Variants in ABCA13 observed in about 807,000 individuals in gnomAD.
The protein encoded by ABCA13 is ATP-binding cassette sub-family A member 13.
A neutral mutation model predicts 478.7 loss-of-function variants in ABCA13; 476 were observed. The observed-to-expected ratio is 0.99, with a 90% CI of 0.92 to 1.07. The LOEUF (loss-of-function observed/expected upper bound fraction) is 1.07, where lower values mean the gene tolerates loss of function less well. ABCA13 is among the 50% of genes least tolerant of loss of function. The probability of loss-of-function intolerance (pLI) is 0.00; values close to 1 mark genes in which losing one functional copy is unlikely to be tolerated. For synonymous variants in ABCA13, 2,252 were observed against 2,158.9 expected (o/e 1.04, Z -1.20); for missense variants, 6,060 against 5,910.6 (o/e 1.03, Z -0.83).
intron 15 of ABCA13, among the ~76,000 whole-genome samples, chr7:48,259,802 G>C (rs1314607159): frequency 6.6e-6 from 1 of 151,816 alleles, no homozygotes; most frequent in Non-Finnish European, 1.5e-5. Flanking sequence ...GGCAGGTCTT[G>C]TGGTATTGAA....
At chr7:48,243,311 C>G (rs948928413) in intron 10 of ABCA13, among the ~76,000 whole-genome samples, 8 of 152,240 alleles carry the variant, frequency 5.3e-5, no homozygotes, top group African/African-American at 1.7e-4. Flanking sequence ...AAAATAATCT[C>G]TTTCTCACTT....
At position 48,309,946 on chromosome 7, in the gene ABCA13, G is replaced by A. The variant is rs756294463; in HGVS notation, c.9322-1G>A. ...CCTCTAATCTCTGTGCTTTGAAACA[G>A]GTTCTCTTCAGTGCCCTCACCGTAG... On this transcript the variant is annotated splice_acceptor_variant, in intron 23 of 61. Transcript: ENST00000435803. LOFTEE classifies it high-confidence loss of function. The A allele has an allele frequency of 2.5e-6, 4 of 1,613,724 alleles. No homozygotes were observed. The highest frequency in any genetic ancestry group is 2.7e-5 in the African/African-American group (2 of 74,908).
intron 55 of ABCA13, among the ~76,000 whole-genome samples, chr7:48,551,265 A>ACT (rs113167611): frequency 0.14 from 21,272 of 151,754 alleles, 2,063 homozygotes; most frequent in African/African-American, 0.23. Flanking sequence ...GGGCTTACTG[A>ACT]CTGTTCACTA....
chr7:48,634,990 G>T (rs1180520840), intron 59 of ABCA13, among the ~76,000 whole-genome samples: 2 of 151,936 alleles, frequency 1.3e-5, no homozygotes, highest in Non-Finnish European at 2.9e-5. Flanking sequence ...TAAAATTTAG[G>T]CTGTGTTAAA....
chr7:48,595,261 G>C (rs767806415), intron 58 of ABCA13, among the ~76,000 whole-genome samples: 17 of 152,266 alleles, frequency 1.1e-4, no homozygotes, highest in Admixed American at 3.3e-4. Flanking sequence ...AATTAAGTTT[G>C]TAATTAGATT....
At chr7:48,184,296 G>A (rs958682921) in intron 1 of ABCA13, among the ~76,000 whole-genome samples, 5 of 152,052 alleles carry the variant, frequency 3.3e-5, no homozygotes, top group African/African-American at 1.2e-4. Context: ...TGATTTGTAG[G>A]CATTTGTAGG....
rs189452604 is a variant in ABCA13 at position 48,616,483 on chromosome 7, T to C, written c.14837+1106T>C. Among the ~76,000 whole-genome samples, 3 of 152,336 alleles carry C rather than the reference T, an allele frequency of 2.0e-5. No individual in the cohort carries two copies. The East Asian group carries it at 5.8e-4, about 29-fold the overall frequency. ...CCATTCTTGATTGTTGGGTGATTTA[T>C]GTCTGATTTATGTTTACAAAAGTTT... On this transcript the variant is annotated intron_variant, in intron 59 of 61. Transcript: ENST00000435803.
rs1829632300 is a variant in ABCA13, at chr7:48,489,312, A to G, written c.13259A>G (p.His4420Arg). 2 of 1,612,068 alleles carry G rather than the reference A, an allele frequency of 1.2e-6. No individual in the cohort carries two copies. The highest frequency in any genetic ancestry group is 8.5e-7 in the Non-Finnish European group (1 of 1,178,650). Reference sequence around the variant, plus strand: ...CTAAACAACCTTATTTTGTGGCAGCACCTACCCCCTACTGTGGACTGGAGA... The same window carrying G: ...CTAAACAACCTTATTTTGTGGCAGCGCCTACCCCCTACTGTGGACTGGAGA... ...NHLNNLILWQ[H>R]LPPTVDWRQY... Residue 4420 changes from histidine (H) to arginine (R), a missense_variant, in exon 48 of 62, where the codon CAC becomes CGC. Physicochemically the swap from His to Arg is conservative, Grantham distance 29 (BLOSUM62 0). Around this residue, in one of 3 missense-constraint regions of ABCA13, gnomAD observed 1,627 missense variants for 1,571.0 expected, o/e 1.04. Coordinates refer to ENST00000435803, the MANE Select transcript of ABCA13 (RefSeq NM_152701.5).
intron 14 of ABCA13, 63 bp downstream of exon 14, chr7:48,248,507 C>A: frequency 7.8e-7 from 1 of 1,289,174 alleles, no homozygotes; most frequent in East Asian, 2.4e-5. Flanking sequence ...TTCAACTGCC[C>A]CTTCTACACA....
intron 4 of ABCA13, 43 bp downstream of exon 4, chr7:48,219,548 T>C (rs758836729): frequency 6.4e-7 from 1 of 1,573,330 alleles, no homozygotes; most frequent in Non-Finnish European, 8.6e-7. Flanking sequence ...TACCTGGACA[T>C]AGCTTAAGGA....
chr7:48,221,280 G>T lies in ABCA13; in HGVS notation c.440-1G>T. On this transcript the variant is annotated splice_acceptor_variant, in intron 4 of 61. Coordinates refer to ENST00000435803, the MANE Select transcript of ABCA13 (RefSeq NM_152701.5). LOFTEE classifies it high-confidence loss of function. ...TATCTCTTAAACCTTCTTTATTATA[G>T]ATTCTTCTTATGGTTCCAGTTTTTT... The T allele has an allele frequency of 8.6e-7, 1 of 1,156,770 alleles. No homozygotes were observed. Among genetic ancestry groups the T allele is most frequent in the Non-Finnish European group, 1.2e-6 (1 of 808,938 alleles). The allele number at this position is 1,156,770 out of a possible 1,614,324, so 71.7% of individuals were successfully genotyped here.
rs1829644470 is a variant in ABCA13, at chr7:48,489,397, T to A, written c.13291+53T>A. ...TCACTACTTTCAAAAGACAATGTTT[T>A]TAAAAGTGAAAGAAACAGAAAAGTT... is the stretch of plus-strand genomic sequence containing the variant. On this transcript the variant is annotated intron_variant, in intron 48 of 61. Coordinates refer to ENST00000435803, the MANE Select transcript of ABCA13 (RefSeq NM_152701.5). The A allele has an allele frequency of 2.8e-6, 4 of 1,433,220 alleles. No homozygotes were observed. The Admixed American group carries it at 8.8e-5, about 31-fold the overall frequency. The allele number at this position is 1,433,220 out of a possible 1,614,324, so 88.8% of individuals were successfully genotyped here.
chr7:48,366,335 C>T (rs970603927), intron 31 of ABCA13, among the ~76,000 whole-genome samples: 2 of 151,888 alleles, frequency 1.3e-5, no homozygotes, highest in East Asian at 1.9e-4. Context: ...ATTTTTTTCC[C>T]GCTGTCAGCT....
At chr7:48,224,009 T>C (rs1054004698) in intron 5 of ABCA13, among the ~76,000 whole-genome samples, 2 of 145,296 alleles carry the variant, frequency 1.4e-5, no homozygotes, top group African/African-American at 5.1e-5. Context: ...GGCAGGTAAG[T>C]GGAGACAGAG....
intron 44 of ABCA13, among the ~76,000 whole-genome samples, chr7:48,468,084 C>T (rs1437136781): frequency 6.6e-6 from 1 of 152,046 alleles, no homozygotes; most frequent in Admixed American, 6.6e-5. Context: ...TGGGGTCCAG[C>T]CCTGGTCCAA....
rs371671347 is a variant in ABCA13 at position 48,275,163 on chromosome 7, C to T, written c.5497C>T (p.Arg1833Trp). 324 of 1,613,868 alleles carry T rather than the reference C, an allele frequency of 2.0e-4. 2 individuals are homozygous for T. In the South Asian group the frequency reaches 2.5e-3, roughly 13 times the overall value. ...WCWNHTNSGFRQNSKIDPCNV... is the reference protein window; with the variant it reads ...WCWNHTNSGFWQNSKIDPCNV... ...CTGGAATCACACAAATTCTGGATTTCGGCAGAATTCAAAGATAGACCCCTG... is the reference window on the plus strand; with the variant it reads ...CTGGAATCACACAAATTCTGGATTTTGGCAGAATTCAAAGATAGACCCCTG... Residue 1833 changes from arginine (R) to tryptophan (W), a missense_variant, in exon 17 of 62, where the codon CGG becomes TGG. Arg to Trp is a moderately radical substitution (Grantham distance 101). Coordinates refer to ENST00000435803, the MANE Select transcript of ABCA13 (RefSeq NM_152701.5).
chr7:48,329,168 A>G (rs1804801179), intron 27 of ABCA13, among the ~76,000 whole-genome samples: 1 of 152,156 alleles, frequency 6.6e-6, no homozygotes, highest in Admixed American at 6.6e-5. Context: ...AAAACAGAAT[A>G]CCAACATAAT....
In ABCA13 at chr7:48,248,422, A is replaced by G; in HGVS notation, c.1843A>G (p.Lys615Glu). 6.2e-7 allele frequency: 1 copy of G among 1,608,788 alleles called. No homozygotes were observed. ...GAATGATGTCTTTTCTAGTGACTGT[A>G]AGCACCAGCTTGTCTCCACAGTGTA... ...PENDVFSSDC[K>E]HQLVSTVIFH... Residue 615 changes from lysine to glutamate, a missense_variant, in exon 14 of 62, where the codon AAG becomes GAG. Coordinates refer to ENST00000435803, the MANE Select transcript of ABCA13 (RefSeq NM_152701.5).
At chr7:48,359,650 G>C (rs549474076) in intron 31 of ABCA13, among the ~76,000 whole-genome samples, 25 of 152,118 alleles carry the variant, frequency 1.6e-4, no homozygotes, top group Middle Eastern at 3.4e-3. Context: ...AAGCAGGGAA[G>C]GGCAGAGGCC....
Sources: gnomAD v4.1 joint callset for allele counts (sites outside exome capture counted in the v4.1 genomes callset) on GRCh38, gnomAD v4.1.1 for gene constraint, gnomAD v4.1.1 regional missense constraint, MANE v1.5 for transcripts, NCBI Gene and HGNC (gene_info 2026-07-23, HGNC 2026-07-21) for gene names.